The following POGLUT2 variants were observed in gnomAD, a reference collection of about 807,000 sequenced individuals.
POGLUT2 encodes ER protein 58.
In POGLUT2, 47 loss-of-function variants were observed where a neutral mutation model predicts 57.6. The ratio of observed to expected loss-of-function variants is 0.82; its 90% CI spans 0.65 to 1.04. POGLUT2 has a LOEUF of 1.04. Ranked by LOEUF, POGLUT2 falls within the 50% of genes least tolerant of loss-of-function variation. The pLI is 0.00. For synonymous variants in POGLUT2, 200 were observed against 218.8 expected, an observed-to-expected ratio of 0.91 and a Z score of 0.76; for missense variants, 565 against 614.8, an observed-to-expected ratio of 0.92 and a Z score of 0.86.
At chr13:102,792,880 C>A (rs976755531) in intron 4 of POGLUT2, among the ~76,000 whole-genome samples, 2 of 152,118 alleles carry the variant, frequency 1.3e-5, no homozygotes, top group Non-Finnish European at 2.9e-5. Context: ...GCAGCCTCGA[C>A]CTCCTAGGTT....
At chr13:102,788,778 A>T (rs1455378254) in intron 7 of POGLUT2, among the ~76,000 whole-genome samples, 1 of 152,134 alleles carries the variant, frequency 6.6e-6, no homozygotes, top group Non-Finnish European at 1.5e-5. Flanking sequence ...GAGCCACCGC[A>T]CCCAGCCTAG....
intron 9 of POGLUT2, among the ~76,000 whole-genome samples, chr13:102,784,879 C>G (rs533161105): frequency 6.6e-6 from 1 of 152,262 alleles, no homozygotes; most frequent in South Asian, 2.1e-4. Flanking sequence ...CTCTCAATCA[C>G]GTAGATGAAG....
chr13:102,792,166 C>G, intron 4 of POGLUT2: 1 of 962,802 alleles, frequency 1.0e-6, no homozygotes, highest in South Asian at 4.8e-5. Flanking sequence ...ACTGTAAGTG[C>G]TTTGAAATCT....
intron 6 of POGLUT2, among the ~76,000 whole-genome samples, chr13:102,790,560 T>G (rs1205005508): frequency 1.3e-5 from 2 of 152,356 alleles, no homozygotes; most frequent in African/African-American, 4.8e-5. Context: ...TGTGATAACA[T>G]GGCTCTGGGA....
At chr13:102,798,350 CT>C (rs1878521743) in intron 1 of POGLUT2, 138 bp downstream of exon 1, 1 of 685,862 alleles carries the variant, frequency 1.5e-6, no homozygotes, top group South Asian at 2.2e-5. Flanking sequence ...ATTTCTACAG[CT>C]ACAGAGAAAA....
At chr13:102,796,501 A>C (rs1878395338) in intron 2 of POGLUT2, among the ~76,000 whole-genome samples, 1 of 151,038 alleles carries the variant, frequency 6.6e-6, no homozygotes, top group Non-Finnish European at 1.5e-5. Flanking sequence ...AGAAAGTATC[A>C]TATATGAGCA....
At chr13:102,788,822 G>A (rs1246996383) in intron 7 of POGLUT2, among the ~76,000 whole-genome samples, 190 bp downstream of exon 7, 1 of 152,152 alleles carries the variant, frequency 6.6e-6, no homozygotes, top group East Asian at 1.9e-4. Context: ...GAGAGTTAAT[G>A]TAAGATGCAG....
intron 2 of POGLUT2, among the ~76,000 whole-genome samples, chr13:102,796,103 T>C (rs1299964904): frequency 1.3e-5 from 2 of 151,916 alleles, no homozygotes; most frequent in Non-Finnish European, 2.9e-5. Flanking sequence ...GAAACCATCC[T>C]GGTCAACATG....
At chr13:102,798,166 G>C (rs377064082) in intron 1 of POGLUT2, among the ~76,000 whole-genome samples, 1 of 152,182 alleles carries the variant, frequency 6.6e-6, no homozygotes, top group Admixed American at 6.5e-5. Flanking sequence ...CTAACAACTA[G>C]GTTTAAATCC....
chr13:102,796,399 G>A (rs1404788979), intron 2 of POGLUT2, among the ~76,000 whole-genome samples: 3 of 150,782 alleles, frequency 2.0e-5, no homozygotes, highest in South Asian at 4.2e-4. Flanking sequence ...CCACCAGTGC[G>A]CTCCTTGTCT....
At chr13:102,785,799 A>T (rs1877919267) in intron 9 of POGLUT2, among the ~76,000 whole-genome samples, 1 of 152,228 alleles carries the variant, frequency 6.6e-6, no homozygotes, top group African/African-American at 2.4e-5. Flanking sequence ...GTATCAACTG[A>T]GATGACTTTC....
At chr13:102,793,512 T>G in intron 3 of POGLUT2, 89 bp downstream of exon 3, 1 of 1,366,388 alleles carries the variant, frequency 7.3e-7, no homozygotes, top group South Asian at 1.2e-5. Flanking sequence ...CGAATGATGT[T>G]TATAAAATGA....
At chr13:102,793,477 G>A (rs759761193) in intron 3 of POGLUT2, 59 bp from the exon 4 acceptor site, 1 of 1,331,628 alleles carries the variant, frequency 7.5e-7, no homozygotes, top group South Asian at 1.2e-5. Flanking sequence ...ACTTCACTGA[G>A]GAAAAGCTTG....
In POGLUT2 at chr13:102,796,940, T is replaced by A; in HGVS notation, c.252A>T (p.Arg84Ser). Residue 84 changes from arginine to serine, a missense_variant, in exon 2 of 10, where the codon AGA becomes AGT. Coordinates refer to ENST00000376004, the MANE Select transcript of POGLUT2 (RefSeq NM_024089.3). ...TTCGGTCTAAAACCTGGACTCCAAC[T>A]CTAGTGAATTGCTCCTCTGGTGCTG... ...KVSAPEEQFT[R>S]VGVQVLDRKD... 6.2e-7 allele frequency: 1 copy of A among 1,613,776 alleles called. No homozygotes were observed. The highest frequency in any genetic ancestry group is 8.5e-7 in the Non-Finnish European group (1 of 1,179,740).
intron 7 of POGLUT2, 93 bp downstream of exon 7, chr13:102,788,919 C>T: frequency 9.2e-7 from 1 of 1,092,352 alleles, no homozygotes; most frequent in Non-Finnish European, 1.4e-6. Context: ...ATTACGTGAA[C>T]ATCCTGGATG....
At chr13:102,797,831 C>T (rs1366319956) in intron 1 of POGLUT2, among the ~76,000 whole-genome samples, 1 of 151,966 alleles carries the variant, frequency 6.6e-6, no homozygotes, top group South Asian at 2.1e-4. Context: ...TTACAACCTG[C>T]CTTTTACTTG....
At position 102,798,783 on chromosome 13, in the gene POGLUT2, G is replaced by T. The variant is rs889966196; in HGVS notation, c.-113C>A. On this transcript the variant is annotated 5_prime_UTR_variant, in exon 1 of 10. Transcript: ENST00000376004. ...GCCGGCCGATCGCAGCAGCCAACGC[G>T]ACTGCAAAGGTTGCCGCCCGGCGTG... 2 of 1,125,910 alleles carry T rather than the reference G, an allele frequency of 1.8e-6. No homozygotes were observed. Among genetic ancestry groups the T allele is most frequent in the South Asian group, 3.3e-5 (2 of 60,616 alleles). The allele number at this position is 1,125,910 out of a possible 1,614,324, so 69.7% of individuals were successfully genotyped here. A position where few individuals can be genotyped will look rare whatever the true frequency, so the allele number is the denominator to read the frequency against.
chr13:102,789,264 C>A, intron 6 of POGLUT2, 43 bp from the exon 7 acceptor site: 1 of 1,483,920 alleles, frequency 6.7e-7, no homozygotes, highest in Non-Finnish European at 9.4e-7. Flanking sequence ...ATTAAATCTC[C>A]TTTTCTCCAC....
At chr13:102,792,327 T>G (rs1878212050) in intron 4 of POGLUT2, among the ~76,000 whole-genome samples, 1 of 152,206 alleles carries the variant, frequency 6.6e-6, no homozygotes. Context: ...AACATTACTT[T>G]CAAACCATTC....
Sources: allele counts gnomAD v4.1 joint callset (sites outside exome capture counted in the v4.1 genomes callset), GRCh38; gene constraint gnomAD v4.1.1; transcripts MANE v1.5; gene names NCBI Gene and HGNC (gene_info 2026-07-23, HGNC 2026-07-21).